Variants in IGSF10 observed in about 807,000 individuals in gnomAD.
The protein encoded by IGSF10 is immunoglobulin superfamily member 10, also known as calvaria mechanical force protein 608.
Under a neutral mutation model 128.2 loss-of-function variants are expected in IGSF10, and 126 were observed. That is an observed-to-expected ratio of 0.98 (90% confidence interval 0.85 to 1.14). The LOEUF is 1.14. Among genes scored for constraint, IGSF10 ranks in the 50% most tolerant of loss-of-function variants. The probability of loss-of-function intolerance (pLI) is 0.00; values close to 1 mark genes in which losing one functional copy is unlikely to be tolerated. For synonymous variants in IGSF10, 1,185 were observed against 1,146.2 expected (o/e 1.03, Z -0.68); for missense variants, 3,295 against 3,149.8 (o/e 1.05, Z -1.10).
At chr3:151,564,303 C>G in the IGSF10 span, among the ~76,000 whole-genome samples, 1 of 151,976 alleles carries the variant, frequency 6.6e-6, no homozygotes, top group Non-Finnish European at 1.5e-5. Flanking sequence ...TACACACATT[C>G]AATTTTATAT....
Position 151,436,941 on chromosome 3 carries a change from G to T in IGSF10, c.7620C>A (p.Thr2540=). The T allele has an allele frequency of 2.5e-6, 4 of 1,614,196 alleles. No homozygotes were observed. The highest frequency in any genetic ancestry group is 3.4e-6 in the Non-Finnish European group (4 of 1,180,034). ...ITNRPPRSIV[T]RTGAAFQLHC... ...GGAGCTGAAAGGCTGCCCCTGTCCT[G>T]GTGACAATACTCCTGGGTGGACGAT... The change falls in exon 8 of 8, where the codon ACC becomes ACA. Residue 2540 remains threonine, a synonymous_variant. Coordinates refer to ENST00000282466, the MANE Select transcript of IGSF10 (RefSeq NM_178822.5).
chr3:151,579,251 A>G, the IGSF10 span, among the ~76,000 whole-genome samples: 1 of 152,126 alleles, frequency 6.6e-6, no homozygotes, highest in Non-Finnish European at 1.5e-5. Context: ...GAGTGTGCCT[A>G]ATTCTGGATA....
the IGSF10 span, among the ~76,000 whole-genome samples, chr3:151,495,315 GAGA>G: frequency 6.6e-6 from 1 of 152,120 alleles, no homozygotes; most frequent in East Asian, 1.9e-4. Flanking sequence ...TCATACAACA[GAGA>G]AGGTCAGTTG....
chr3:151,465,774 G>A (rs956039683), upstream of IGSF10, among the ~76,000 whole-genome samples: 1 of 152,170 alleles, frequency 6.6e-6, no homozygotes, highest in South Asian at 2.1e-4. Context: ...TATGGCCTGA[G>A]AGGGACGTTG....
At chr3:151,525,023 T>C in the IGSF10 span, among the ~76,000 whole-genome samples, 3 of 107,110 alleles carry the variant, frequency 2.8e-5, no homozygotes, top group Non-Finnish European at 5.6e-5. Context: ...TTTTTTTTTT[T>C]TTTTTTTTTT....
upstream of IGSF10, among the ~76,000 whole-genome samples, chr3:151,462,415 A>G (rs1722095942): frequency 6.6e-6 from 1 of 152,212 alleles, no homozygotes; most frequent in Admixed American, 6.5e-5. Flanking sequence ...TGCAGCTACA[A>G]TGTGAGAATT....
At chr3:151,501,219 T>C in the IGSF10 span, among the ~76,000 whole-genome samples, 1 of 152,100 alleles carries the variant, frequency 6.6e-6, no homozygotes, top group Non-Finnish European at 1.5e-5. Flanking sequence ...TTATTTTTCT[T>C]TTTAAGTTTG....
At chr3:151,433,316 G>A (rs1719740639), downstream of IGSF10, 1 of 152,700 alleles carries the variant, frequency 6.5e-6, no homozygotes, top group Non-Finnish European at 1.5e-5. Flanking sequence ...TATTTGCATC[G>A]CTCTAATTTG....
the IGSF10 span, among the ~76,000 whole-genome samples, chr3:151,512,524 T>C: frequency 1.2e-4 from 18 of 151,936 alleles, no homozygotes; most frequent in African/African-American, 2.2e-4. Context: ...AGATCTAAAA[T>C]TGACACCCTA....
chr3:151,592,319 TA>T, the IGSF10 span, among the ~76,000 whole-genome samples: 2,457 of 152,216 alleles, frequency 0.016, 22 homozygotes, highest in South Asian at 0.025. Context: ...ACTTATAAGC[TA>T]AATAAGACCT....
At chr3:151,560,656 G>T in the IGSF10 span, among the ~76,000 whole-genome samples, 1 of 152,012 alleles carries the variant, frequency 6.6e-6, no homozygotes, top group African/African-American at 2.4e-5. Context: ...AATAAGGTCT[G>T]GGACTACTCA....
At chr3:151,609,488 AC>A in the IGSF10 span, among the ~76,000 whole-genome samples, 3 of 151,966 alleles carry the variant, frequency 2.0e-5, no homozygotes, top group Non-Finnish European at 4.4e-5. Flanking sequence ...CATTCCCATT[AC>A]TCAGTATATA....
At chr3:151,515,854 C>A in the IGSF10 span, among the ~76,000 whole-genome samples, 1 of 151,534 alleles carries the variant, frequency 6.6e-6, no homozygotes, top group Non-Finnish European at 1.5e-5. Context: ...CAGGTACATC[C>A]CACTATCTGA....
At chr3:151,549,593 TAA>T in the IGSF10 span, among the ~76,000 whole-genome samples, 2 of 152,242 alleles carry the variant, frequency 1.3e-5, no homozygotes, top group Non-Finnish European at 2.9e-5. Flanking sequence ...TTGCTTCTGC[TAA>T]GTCAGTATCA....
rs1333152281 is a variant in IGSF10, at chr3:151,445,917, C to G, written c.4064G>C (p.Arg1355Thr). 3 of 1,614,110 alleles carry G rather than the reference C, an allele frequency of 1.9e-6. No homozygotes were observed. In the Admixed American group the frequency reaches 5.0e-5, roughly 27 times the overall value. ...GTCTGGAGAGATGTTTGGGTCAGTCCTGTTCTTCTTTTGAGGCTCCTGTTC... is the reference window on the plus strand; with the variant it reads ...GTCTGGAGAGATGTTTGGGTCAGTCGTGTTCTTCTTTTGAGGCTCCTGTTC... ...QREQEPQKKN[R>T]TDPNISPDQS... The change falls in exon 6 of 8, where the codon AGG (arginine) becomes ACG (threonine). Residue 1355 changes from arginine to threonine, a missense_variant. Physicochemically the swap from Arg to Thr is moderately conservative, Grantham distance 71. Coordinates refer to ENST00000282466, the MANE Select transcript of IGSF10 (RefSeq NM_178822.5).
At chr3:151,554,323 A>C in the IGSF10 span, among the ~76,000 whole-genome samples, 1 of 152,118 alleles carries the variant, frequency 6.6e-6, no homozygotes, top group African/African-American at 2.4e-5. Flanking sequence ...TAAAAAAATT[A>C]TATACTTTAA....
At chr3:151,615,339 A>C in the IGSF10 span, among the ~76,000 whole-genome samples, 1 of 152,076 alleles carries the variant, frequency 6.6e-6, no homozygotes, top group African/African-American at 2.4e-5. Context: ...AACAATTTTT[A>C]TATTTATTTC....
the IGSF10 span, among the ~76,000 whole-genome samples, chr3:151,500,653 G>T: frequency 5.3e-5 from 8 of 152,008 alleles, no homozygotes; most frequent in African/African-American, 1.9e-4. Flanking sequence ...TGAAGAAATC[G>T]AGACTCAAAA....
the IGSF10 span, among the ~76,000 whole-genome samples, chr3:151,588,971 A>G: frequency 6.6e-6 from 1 of 152,204 alleles, no homozygotes; most frequent in African/African-American, 2.4e-5. Flanking sequence ...TTATAGCAAT[A>G]TAAAGAAGAA....
Sources: allele counts gnomAD v4.1 joint callset (sites outside exome capture counted in the v4.1 genomes callset), GRCh38; gene constraint gnomAD v4.1.1; transcripts MANE v1.5; gene names NCBI Gene and HGNC (gene_info 2026-07-23, HGNC 2026-07-21).